SBF1: variants seen among roughly 807,000 people sequenced by gnomAD.
SBF1 encodes the protein myotubularin-related protein 5.
A neutral mutation model predicts 215.8 loss-of-function variants in SBF1; 65 were observed. The observed-to-expected ratio is 0.30, with a 90% confidence interval of 0.25 to 0.37. The LOEUF (loss-of-function observed/expected upper bound fraction) is 0.37, where lower values mean the gene tolerates loss of function less well. Ranked by LOEUF, SBF1 falls within the 10% of genes least tolerant of loss-of-function variation. The probability of loss-of-function intolerance (pLI) is 1.00; values close to 1 mark genes in which losing one functional copy is unlikely to be tolerated. For missense variants in SBF1, 2,634 were observed against 2,667.8 expected (o/e 0.99, Z 0.28); for synonymous variants, 1,410 against 1,122.8 (o/e 1.26, Z -5.11).
At chr22:50,456,437 C>G (rs1025578596) in intron 30 of SBF1, 42 bp from the exon 31 acceptor site, 12 of 1,597,982 alleles carry the variant, frequency 7.5e-6, no homozygotes, top group Non-Finnish European at 1.0e-5. Flanking sequence ...ACATGAGGCC[C>G]CAAGCCCCCT....
At position 50,461,258 on chromosome 22, in the gene SBF1, G is replaced by C. The variant is rs1425995206; in HGVS notation, c.2868C>G (p.Phe956Leu). The change falls in exon 23 of 41, where the codon TTC becomes TTG. Residue 956 changes from phenylalanine (F) to leucine (L), a missense_variant. Coordinates refer to ENST00000380817, the MANE Select transcript of SBF1 (RefSeq NM_002972.4). ...TCTCCTTGGTCAGCGCAGCCACCGG[G>C]AAGGAGCGGACCACCACCTGCTCCC... ...LVGEQVVVRS[F>L]PVAALTKEKR... is the part of the protein sequence containing the mutation. 11 of 1,612,402 alleles carry C rather than the reference G, an allele frequency of 6.8e-6. No homozygotes were observed. In the African/African-American group the frequency reaches 1.5e-4, roughly 22 times the overall value.
chr22:50,448,774 CA>C, intron 36 of SBF1, 124 bp from the exon 37 acceptor site: 2 of 692,344 alleles, frequency 2.9e-6, no homozygotes, highest in South Asian at 1.8e-5. Flanking sequence ...TGACTGGCCA[CA>C]GGGGGAGGTG....
Position 50,461,730 on chromosome 22 carries a change from C to G in SBF1, c.2644-12G>C, listed in dbSNP as rs937980460. 1.6e-5 allele frequency: 25 copies of G among 1,609,194 alleles called. No individual in the cohort carries two copies. In the African/African-American group the frequency reaches 3.3e-4, roughly 21 times the overall value. ...CGCAGCAGCTTGGGCTGCTCGAAAA[C>G]AAGAGCAGGAGCTCAGGATGCAGCC... On this transcript the variant is annotated splice_polypyrimidine_tract_variant and intron_variant, in intron 21 of 40. Coordinates refer to ENST00000380817, the MANE Select transcript of SBF1 (RefSeq NM_002972.4).
At chr22:50,463,885 AAG>A (rs2067630118) in intron 15 of SBF1, among the ~76,000 whole-genome samples, 1 of 152,236 alleles carries the variant, frequency 6.6e-6, no homozygotes, top group Non-Finnish European at 1.5e-5. Flanking sequence ...GCCATGATGA[AAG>A]ACCCCAGAGG....
intron 31 of SBF1, 67 bp from the exon 32 acceptor site, chr22:50,455,649 C>G: frequency 2.3e-6 from 3 of 1,305,502 alleles, no homozygotes; most frequent in Non-Finnish European, 3.2e-6. Flanking sequence ...CTCACCAGGC[C>G]AGAGACCCGC....
intron 36 of SBF1, among the ~76,000 whole-genome samples, chr22:50,449,214 A>G (rs1325350302): frequency 6.6e-6 from 1 of 152,170 alleles, no homozygotes; most frequent in Non-Finnish European, 1.5e-5. Flanking sequence ...TCAACACTGC[A>G]GGGTCCACAA....
In SBF1 at chr22:50,459,827, C is replaced by G. The variant is rs145271501; in HGVS notation, c.3491+125G>C. ...CACCCCCCAGCCCTGTGGCCCGTCC[C>G]TCTGCCCGGAGTCTCCCCCTCCACA... On this transcript the variant is annotated intron_variant, in intron 26 of 40. Transcript: ENST00000380817. The G allele has an allele frequency of 1.9e-3, 2,671 of 1,373,040 alleles. 46 individuals are homozygous for G. In the African/African-American group the frequency reaches 0.032, roughly 17 times the overall value. The allele number at this position is 1,373,040 out of a possible 1,614,324, so 85.1% of individuals were successfully genotyped here. A position where few individuals can be genotyped will look rare whatever the true frequency, so the allele number is the denominator to read the frequency against.
At position 50,461,804 on chromosome 22, in the gene SBF1, T is replaced by C; in HGVS notation, c.2635A>G (p.Ile879Val). The C allele has an allele frequency of 6.2e-7, 1 of 1,613,358 alleles. No homozygotes were observed. Among genetic ancestry groups the C allele is most frequent in the Non-Finnish European group, 8.5e-7 (1 of 1,179,972 alleles). ...CAACGGCCCCCGCAAACCTTCTGGATGGGCGGCAGCCTCCGGCTCTCCCGC... is the reference window on the plus strand; with the variant it reads ...CAACGGCCCCCGCAAACCTTCTGGACGGGCGGCAGCCTCCGGCTCTCCCGC... ...VQRESRRLPP[I>V]QKPKLLRPRL... is the part of the protein sequence containing the mutation. The change falls in exon 21 of 41, where the codon ATC becomes GTC. Residue 879 changes from isoleucine to valine, a missense_variant. Ile to Val is a conservative substitution (Grantham distance 29). Transcript: ENST00000380817.
At chr22:50,456,941 G>T in intron 29 of SBF1, 93 bp downstream of exon 29, 2 of 1,083,760 alleles carry the variant, frequency 1.8e-6, no homozygotes, top group Non-Finnish European at 2.5e-6. Flanking sequence ...CAGGTGTGGA[G>T]GGAGACATTA....
intron 17 of SBF1, 24 bp downstream of exon 17, chr22:50,462,846 G>C (rs760029997): frequency 2.2e-5 from 35 of 1,612,312 alleles, no homozygotes; most frequent in Non-Finnish European, 2.8e-5. Context: ...CTGGGAAGGA[G>C]ACCTCAGCCA....
intron 33 of SBF1, 21 bp from the exon 34 acceptor site, chr22:50,455,163 G>C: frequency 1.2e-6 from 2 of 1,614,014 alleles, no homozygotes; most frequent in Non-Finnish European, 1.7e-6. Context: ...TGTGGGTCAG[G>C]GGCCAGGGCT....
Position 50,455,876 on chromosome 22 carries a change from C to T in SBF1, c.4267-294G>A, listed in dbSNP as rs954462204. 7 of 571,592 alleles carry T rather than the reference C, an allele frequency of 1.2e-5. No homozygotes were observed. The Admixed American group carries it at 1.9e-4, about 15-fold the overall frequency. The allele number at this position is 571,592 out of a possible 1,614,324, so 35.4% of individuals were successfully genotyped here. A position where few individuals can be genotyped will look rare whatever the true frequency, so the allele number is the denominator to read the frequency against. ...TACCTTCAAGCCCTCCAGTGTTTAC[C>T]AAGCCAGCATCCTGTCAGTACCCAC... On this transcript the variant is annotated intron_variant, in intron 31 of 40. Coordinates refer to ENST00000380817, the MANE Select transcript of SBF1 (RefSeq NM_002972.4).
At chr22:50,447,267 G>A (rs188319673) in intron 40 of SBF1, 27 bp from the exon 41 acceptor site, 436 of 1,613,220 alleles carry the variant, frequency 2.7e-4, no homozygotes, top group East Asian at 2.7e-3. Flanking sequence ...TACTGACTCC[G>A]CAGCCCCCAC....
chr22:50,465,636 C>A (rs2067716427), intron 10 of SBF1, 127 bp downstream of exon 10: 12 of 884,752 alleles, frequency 1.4e-5, no homozygotes, highest in Non-Finnish European at 2.1e-5. Flanking sequence ...TGCTCCCAGG[C>A]TCCTGCTTCT....
At chr22:50,471,138 A>C (rs921692589) in intron 1 of SBF1, among the ~76,000 whole-genome samples, 3 of 152,182 alleles carry the variant, frequency 2.0e-5, no homozygotes, top group African/African-American at 7.2e-5. Flanking sequence ...CCTTGGCAAC[A>C]GGACGAATCC....
intron 1 of SBF1, 103 bp downstream of exon 1, chr22:50,474,656 TCCTCGGCCTCCCGACCCAGCCCCCAGC>T (rs1192174560): frequency 1.2e-4 from 50 of 418,776 alleles, no homozygotes; most frequent in African/African-American, 3.5e-4. Flanking sequence ...CGGCCCTCAG[TCCTCGGCCTCCCGACCCAGCCCCCAGC>T]CCTCGGCCCC....
intron 25 of SBF1, 44 bp from the exon 26 acceptor site, chr22:50,460,203 C>T: frequency 6.2e-7 from 1 of 1,604,912 alleles, no homozygotes; most frequent in Middle Eastern, 1.7e-4. Flanking sequence ...GCCACTCCGC[C>T]TGCCCTGATC....
intron 22 of SBF1, 118 bp from the exon 23 acceptor site, chr22:50,461,404 C>T: frequency 6.7e-7 from 1 of 1,499,346 alleles, no homozygotes; most frequent in Non-Finnish European, 8.9e-7. Flanking sequence ...CAGACAAAGG[C>T]CCGTTTCCCA....
chr22:50,457,048 C>T lies in SBF1; in HGVS notation c.3890G>A (p.Arg1297Gln), dbSNP rs1471714869. 2.8e-6 allele frequency: 4 copies of T among 1,451,544 alleles called. No individual in the cohort carries two copies. The South Asian group carries it at 4.5e-5, about 16-fold the overall frequency. 89.9% of individuals were successfully genotyped at this position (1,451,544 alleles called of 1,614,324 possible). A position where few individuals can be genotyped will look rare whatever the true frequency, so the allele number is the denominator to read the frequency against. ...CGGTACGGTACCTCGGGGTGCGGTC[C>T]GTCTGGAGGCCGAGGCCGCCATGGG... ...SNPMAASASR[R>Q]TAPRGKWGSV... Residue 1297 changes from arginine to glutamine, a missense_variant, in exon 29 of 41, where the codon CGG becomes CAG. Transcript: ENST00000380817.
Sources: allele counts gnomAD v4.1 joint callset (sites outside exome capture counted in the v4.1 genomes callset), GRCh38; gene constraint gnomAD v4.1.1; transcripts MANE v1.5; gene names NCBI Gene and HGNC (gene_info 2026-07-23, HGNC 2026-07-21).